Variants in PPA2 observed in about 807,000 individuals in gnomAD.
PPA2 encodes inorganic pyrophosphatase 2, also known as inorganic pyrophosphatase 2, mitochondrial.
PPA2 carries 48 observed loss-of-function variants against 49.5 expected under a neutral mutation model. That is an observed-to-expected ratio of 0.97 (90% CI 0.77 to 1.23). The LOEUF is 1.23. Ranked by LOEUF, PPA2 falls within the 50% of genes most tolerant of loss-of-function variation. PPA2 has a pLI of 0.00. For synonymous variants in PPA2, 131 were observed against 139.9 expected, an observed-to-expected ratio of 0.94 and a Z score of 0.45; for missense variants, 429 against 410.1, an observed-to-expected ratio of 1.05 and a Z score of -0.40.
Position 105,425,729 on chromosome 4 carries a change from C to T in PPA2, c.529-1407G>A, listed in dbSNP as rs56217804. Among the ~76,000 whole-genome samples the T allele has an allele frequency of 8.5e-3, 967 of 113,150 alleles. 9 individuals are homozygous for T. The highest frequency in any genetic ancestry group is 0.021 in the Middle Eastern group (5 of 242). 74.2% of individuals were successfully genotyped at this position (113,150 alleles called of 152,430 possible). A position where few individuals can be genotyped will look rare whatever the true frequency, so the allele number is the denominator to read the frequency against. On this transcript the variant is annotated intron_variant, in intron 6 of 11. Transcript: ENST00000341695. ...GAGAAAGGACACATGCACATACACA[C>T]ACACACACACACACACACACACACA...
At chr4:105,435,628 C>G (rs1401314700) in intron 6 of PPA2, among the ~76,000 whole-genome samples, 1 of 152,114 alleles carries the variant, frequency 6.6e-6, no homozygotes, top group Non-Finnish European at 1.5e-5. Flanking sequence ...AGGGTTTATT[C>G]CAGGAATGCA....
At chr4:105,453,779 A>G in intron 2 of PPA2, 137 bp from the exon 3 acceptor site, 1 of 548,964 alleles carries the variant, frequency 1.8e-6, no homozygotes, top group South Asian at 3.9e-5. Flanking sequence ...CAGAGAACCT[A>G]CCAAATGCCC....
chr4:105,435,473 G>T (rs1041615727), intron 6 of PPA2, among the ~76,000 whole-genome samples: 1 of 152,022 alleles, frequency 6.6e-6, no homozygotes. Flanking sequence ...ATACATGCAC[G>T]CAACATCAGA....
rs75225941 is a variant in PPA2, at chr4:105,445,412, C to T, written c.441+971G>A. ...TTCTTAGCATATCACTTTAGAAGTG[C>T]CCATTTTAACCAAGAATGTATCCAT... On this transcript the variant is annotated intron_variant, in intron 5 of 11. Coordinates refer to ENST00000341695, the MANE Select transcript of PPA2 (RefSeq NM_176869.3). Among the ~76,000 whole-genome samples the T allele has an allele frequency of 3.1e-3, 474 of 152,190 alleles. 4 individuals carry two copies. Among genetic ancestry groups the T allele is most frequent in the African/African-American group, 0.011 (460 of 41,546 alleles).
intron 7 of PPA2, among the ~76,000 whole-genome samples, chr4:105,417,499 G>A (rs924083988): frequency 6.0e-5 from 9 of 151,058 alleles, no homozygotes; most frequent in African/African-American, 2.2e-4. Flanking sequence ...TAAACAAAAA[G>A]AGGATTTTAG....
At chr4:105,433,966 T>C (rs1723934088) in intron 6 of PPA2, among the ~76,000 whole-genome samples, 1 of 152,206 alleles carries the variant, frequency 6.6e-6, no homozygotes, top group Non-Finnish European at 1.5e-5. Context: ...AGAAGGGCGT[T>C]TAGCTGTGGT....
At chr4:105,441,447 G>T (rs189191755) in intron 5 of PPA2, among the ~76,000 whole-genome samples, 7 of 152,048 alleles carry the variant, frequency 4.6e-5, no homozygotes, top group African/African-American at 1.7e-4. Context: ...AAGGATATAC[G>T]GTACTGGAAC....
chr4:105,446,615 C>T, intron 4 of PPA2, 113 bp from the exon 5 acceptor site: 1 of 1,256,396 alleles, frequency 8.0e-7, no homozygotes. Flanking sequence ...CATATTTCAA[C>T]TTAATGATCA....
intron 6 of PPA2, 88 bp downstream of exon 6, chr4:105,437,862 G>A: frequency 2.2e-6 from 2 of 924,874 alleles, no homozygotes; most frequent in South Asian, 3.5e-5. Flanking sequence ...GAACTCTGAA[G>A]AGTTGAAGAA....
intron 7 of PPA2, among the ~76,000 whole-genome samples, chr4:105,417,625 C>T (rs1723072747): frequency 6.6e-6 from 1 of 151,456 alleles, no homozygotes; most frequent in Non-Finnish European, 1.5e-5. Flanking sequence ...AATTTAATTC[C>T]ATCTCAATTA....
In PPA2 at chr4:105,370,884, A is replaced by G. The variant is rs748159175; in HGVS notation, c.940-11T>C. ...TGGTGAAGATGATACCTGGAAATAA[A>G]AACAGAGAAAGAATCTCTGTTACAA... is the stretch of plus-strand genomic sequence containing the variant. On this transcript the variant is annotated splice_polypyrimidine_tract_variant and intron_variant, in intron 10 of 11. Coordinates refer to ENST00000341695, the MANE Select transcript of PPA2 (RefSeq NM_176869.3). 2 of 1,471,102 alleles carry G rather than the reference A, an allele frequency of 1.4e-6. No individual in the cohort carries two copies. The highest frequency in any genetic ancestry group is 1.3e-5 in the South Asian group (1 of 76,298). 91.1% of individuals were successfully genotyped at this position (1,471,102 alleles called of 1,614,324 possible).
At chr4:105,407,837 T>A (rs1722554442) in intron 7 of PPA2, among the ~76,000 whole-genome samples, 3 of 152,150 alleles carry the variant, frequency 2.0e-5, no homozygotes, top group African/African-American at 4.8e-5. Flanking sequence ...TAATGGCCTA[T>A]GGTAGGAGGA....
chr4:105,370,754 T>A (rs1732990698), intron 11 of PPA2, 83 bp downstream of exon 11: 3 of 1,267,846 alleles, frequency 2.4e-6, no homozygotes, highest in Admixed American at 4.2e-5. Context: ...TCTATTTTAT[T>A]TTTAGTTTTA....
intron 10 of PPA2, among the ~76,000 whole-genome samples, chr4:105,385,551 A>G (rs560631163): frequency 1.7e-4 from 26 of 152,298 alleles, no homozygotes; most frequent in East Asian, 1.9e-4. Context: ...TAGCTTTTAA[A>G]TCTCATCGTT....
intron 7 of PPA2, chr4:105,405,868 A>G (rs768299440): frequency 3.3e-5 from 15 of 456,226 alleles, no homozygotes; most frequent in Non-Finnish European, 4.4e-6. Flanking sequence ...GGCAGGTAGG[A>G]CAGGCTGGAA....
chr4:105,450,623 T>TTTTTTTTTTTTTTTTC (rs1722633373), intron 3 of PPA2, among the ~76,000 whole-genome samples: 1 of 92,244 alleles, frequency 1.1e-5, no homozygotes, highest in Admixed American at 1.1e-4. Context: ...TTTTTTTTTT[T>TTTTTTTTTTTTTTTTC]TTGAGACGGA....
At chr4:105,388,378 G>T (rs1434082274) in intron 9 of PPA2, among the ~76,000 whole-genome samples, 5 of 151,818 alleles carry the variant, frequency 3.3e-5, no homozygotes, top group Admixed American at 6.6e-5. Context: ...CAATATTTAA[G>T]CCAGCACGGT....
intron 9 of PPA2, among the ~76,000 whole-genome samples, chr4:105,394,781 C>T (rs192259030): frequency 2.6e-5 from 4 of 152,116 alleles, no homozygotes; most frequent in Admixed American, 2.6e-4. Flanking sequence ...GCTGAGGAAA[C>T]CTGGGGAAAC....
intron 6 of PPA2, among the ~76,000 whole-genome samples, chr4:105,436,221 G>A (rs1023516918): frequency 4.0e-5 from 6 of 150,764 alleles, no homozygotes; most frequent in Non-Finnish European, 7.4e-5. Context: ...ACACACACAC[G>A]CATCATACAC....
Sources: allele counts gnomAD v4.1 joint callset (sites outside exome capture counted in the v4.1 genomes callset), GRCh38; gene constraint gnomAD v4.1.1; transcripts MANE v1.5; gene names NCBI Gene and HGNC (gene_info 2026-07-23, HGNC 2026-07-21).